ZNF226: variants seen among roughly 807,000 people sequenced by gnomAD.
ZNF226 encodes zinc finger protein 226, also known as Kruppel-associated box protein.
Under a neutral mutation model 11.4 loss-of-function variants are expected in ZNF226, and 6 were observed. The observed-to-expected ratio is 0.53, with a 90% CI of 0.29 to 1.04. The LOEUF (loss-of-function observed/expected upper bound fraction) is 1.04, where lower values mean the gene tolerates loss of function less well. Among genes scored for constraint, ZNF226 ranks in the 50% least tolerant of loss-of-function variants. The pLI, the probability that ZNF226 is intolerant of heterozygous loss-of-function variation, is 0.08. For missense variants in ZNF226, 1,058 were observed against 956.5 expected (o/e 1.11, Z -1.40); for synonymous variants, 350 against 322.8 (o/e 1.08, Z -0.90).
At chr19:44,170,134 A>G in intron 3 of ZNF226, 39 bp downstream of exon 3, 1 of 1,603,992 alleles carries the variant, frequency 6.2e-7, no homozygotes, top group Non-Finnish European at 8.5e-7. Context: ...TAAAAATACC[A>G]TTTTAGTACT....
At chr19:44,189,797 A>G in the ZNF226 span, among the ~76,000 whole-genome samples, 1 of 152,254 alleles carries the variant, frequency 6.6e-6, no homozygotes, top group African/African-American at 2.4e-5. Context: ...TCCACAGCAT[A>G]AAGACATCAA....
At chr19:44,196,526 G>A in the ZNF226 span, among the ~76,000 whole-genome samples, 7 of 152,206 alleles carry the variant, frequency 4.6e-5, no homozygotes, top group South Asian at 2.1e-4. Flanking sequence ...TGATTACACC[G>A]GACCACTTTG....
chr19:44,165,567 A>G (rs1462242172), intron 1 of ZNF226, 190 bp from the exon 2 acceptor site: 1 of 152,226 alleles, frequency 6.6e-6, no homozygotes, highest in Admixed American at 6.5e-5. Flanking sequence ...TGAATTACCA[A>G]TACTACTGTA....
At chr19:44,183,589 C>G in the ZNF226 span, among the ~76,000 whole-genome samples, 1 of 152,146 alleles carries the variant, frequency 6.6e-6, no homozygotes, top group Non-Finnish European at 1.5e-5. Flanking sequence ...TGATTCAACC[C>G]TGGTGATCAA....
intron 2 of ZNF226, among the ~76,000 whole-genome samples, chr19:44,169,805 G>A (rs911589859): frequency 2.6e-5 from 4 of 152,134 alleles, no homozygotes; most frequent in East Asian, 3.9e-4. Context: ...AATTACTGGC[G>A]TGCAATTACA....
chr19:44,169,200 G>C (rs945071152), intron 2 of ZNF226, among the ~76,000 whole-genome samples: 11 of 151,646 alleles, frequency 7.3e-5, no homozygotes, highest in African/African-American at 2.4e-4. Context: ...TAAAGACAGG[G>C]TTTCATCTTG....
At chr19:44,179,120 C>G (rs1459989846), downstream of ZNF226, among the ~76,000 whole-genome samples, 1 of 152,064 alleles carries the variant, frequency 6.6e-6, no homozygotes, top group Non-Finnish European at 1.5e-5. Flanking sequence ...GCGGAAGTTG[C>G]AGTGAGTCAA....
downstream of ZNF226, among the ~76,000 whole-genome samples, chr19:44,180,075 A>C (rs1970882739): frequency 7.4e-6 from 1 of 135,554 alleles, no homozygotes; most frequent in Non-Finnish European, 1.5e-5. Flanking sequence ...TGACAGAGCA[A>C]GACTCTGTCT....
At chr19:44,177,978 C>T (rs117521659), downstream of ZNF226, 2 of 245,138 alleles carry the variant, frequency 8.2e-6, no homozygotes, top group Non-Finnish European at 1.6e-5. Context: ...ACTGAATCTA[C>T]ATAATCTTAC....
At chr19:44,182,455 CAACT>C (rs1192943968), downstream of ZNF226, among the ~76,000 whole-genome samples, 2 of 152,214 alleles carry the variant, frequency 1.3e-5, no homozygotes, top group African/African-American at 2.4e-5. Flanking sequence ...AAATTGTCCC[CAACT>C]GAGAACCAGT....
At chr19:44,182,738 G>C (rs755534023), downstream of ZNF226, among the ~76,000 whole-genome samples, 1 of 152,130 alleles carries the variant, frequency 6.6e-6, no homozygotes, top group Non-Finnish European at 1.5e-5. Context: ...GGAGCATTAG[G>C]GGTCAAGTGG....
At chr19:44,171,163 T>C (rs1202528222) in intron 3 of ZNF226, among the ~76,000 whole-genome samples, 1 of 152,202 alleles carries the variant, frequency 6.6e-6, no homozygotes, top group Admixed American at 6.5e-5. Context: ...CATTTAACTT[T>C]TTCTGAAAAA....
downstream of ZNF226, among the ~76,000 whole-genome samples, chr19:44,179,027 A>G (rs1284928720): frequency 6.6e-6 from 1 of 152,058 alleles, no homozygotes; most frequent in Non-Finnish European, 1.5e-5. Context: ...TAAAAATACA[A>G]AAGGTAGCTG....
chr19:44,191,202 C>G, the ZNF226 span, among the ~76,000 whole-genome samples: 1 of 152,064 alleles, frequency 6.6e-6, no homozygotes, highest in Non-Finnish European at 1.5e-5. Flanking sequence ...AGAGTCTTTT[C>G]CATGAATCTG....
chr19:44,172,081 G>T lies in ZNF226; in HGVS notation c.16-7G>T. The T allele has an allele frequency of 4.3e-6, 7 of 1,609,408 alleles. No homozygotes were observed. The highest frequency in any genetic ancestry group is 5.9e-6 in the Non-Finnish European group (7 of 1,176,984). On this transcript the variant is annotated splice_region_variant and splice_polypyrimidine_tract_variant and intron_variant, in intron 3 of 5. Transcript: ENST00000337433. ...TGTAAGATTGAGGTCATTTGTTTTT[G>T]TCGTAGGAAGCAGTGACCTTCAAGG...
intron 2 of ZNF226, 122 bp downstream of exon 2, chr19:44,165,929 G>A (rs965797738): frequency 6.6e-6 from 1 of 152,178 alleles, no homozygotes; most frequent in African/African-American, 2.4e-5. Context: ...CATTCTAAGG[G>A]GTTTATACAA....
intron 3 of ZNF226, 129 bp from the exon 4 acceptor site, chr19:44,171,959 A>G (rs1263505838): frequency 7.8e-7 from 1 of 1,286,266 alleles, no homozygotes; most frequent in East Asian, 2.7e-5. Flanking sequence ...TGGCATTGGC[A>G]AGACAGGAGA....
chr19:44,171,334 T>C (rs1970064575), intron 3 of ZNF226, among the ~76,000 whole-genome samples: 2 of 152,188 alleles, frequency 1.3e-5, no homozygotes, highest in Admixed American at 1.3e-4. Flanking sequence ...GAAAAAATAT[T>C]AGACTTTTTT....
the ZNF226 span, among the ~76,000 whole-genome samples, chr19:44,198,324 A>G: frequency 6.6e-6 from 1 of 152,298 alleles, no homozygotes; most frequent in East Asian, 1.9e-4. Flanking sequence ...TCAGCTTGCC[A>G]GTTTTCACCA....
Sources: allele counts gnomAD v4.1 joint callset (sites outside exome capture counted in the v4.1 genomes callset), GRCh38; gene constraint gnomAD v4.1.1; transcripts MANE v1.5; gene names NCBI Gene and HGNC (gene_info 2026-07-23, HGNC 2026-07-21).